Variants in XRN1 observed in about 807,000 individuals in gnomAD.
XRN1 encodes the protein 5'-3' exoribonuclease 1.
Under a neutral mutation model 222.3 loss-of-function variants are expected in XRN1, and 67 were observed. The observed-to-expected ratio is 0.30, with a 90% CI of 0.25 to 0.37. The LOEUF (loss-of-function observed/expected upper bound fraction) is 0.37. XRN1 is among the 10% of genes least tolerant of loss of function. The probability of loss-of-function intolerance (pLI) is 1.00; values close to 1 mark genes in which losing one functional copy is unlikely to be tolerated. For synonymous variants in XRN1, 643 were observed against 652.4 expected, an observed-to-expected ratio of 0.99 and a Z score of 0.22; for missense variants, 1,707 against 2,000.2, an observed-to-expected ratio of 0.85 and a Z score of 2.80.
chr3:142,313,079 A>C (rs2065119653), intron 39 of XRN1: 19 of 1,550,582 alleles, frequency 1.2e-5, no homozygotes, highest in Non-Finnish European at 1.7e-5. Context: ...GGGTCATGAA[A>C]TTGTCCCTTG....
chr3:142,414,285 A>G lies in XRN1; in HGVS notation c.1443T>C (p.Tyr481=), dbSNP rs768501767. 1 of 1,581,210 alleles carries G rather than the reference A, an allele frequency of 6.3e-7. No individual in the cohort carries two copies. Among genetic ancestry groups the G allele is most frequent in the Non-Finnish European group, 8.6e-7 (1 of 1,164,586 alleles). ...YHGVQSWSWY[Y]PYHYAPFLSD... is the part of the protein sequence containing the mutation. ...ACAGGAAAGGTGCATAATGATAAGG[A>G]TAATACCTATAAAACAAAACTGAGT... The change falls in exon 14 of 41, where the codon TAT becomes TAC. Residue 481 remains tyrosine, a synonymous_variant. Coordinates refer to ENST00000392981, the MANE Select transcript of XRN1 (RefSeq NM_001282857.2).
intron 33 of XRN1, among the ~76,000 whole-genome samples, chr3:142,340,841 C>G (rs1468259916): frequency 2.0e-5 from 3 of 152,076 alleles, no homozygotes; most frequent in Admixed American, 2.0e-4. Flanking sequence ...ATCCTTCAAA[C>G]ATGAAGGAGA....
At chr3:142,368,218 G>A (rs766449789) in intron 27 of XRN1, among the ~76,000 whole-genome samples, 4 of 151,668 alleles carry the variant, frequency 2.6e-5, no homozygotes, top group African/African-American at 4.8e-5. Flanking sequence ...GCACAGTCTC[G>A]GCTCACTGCA....
intron 12 of XRN1, chr3:142,418,217 T>C (rs1018846579): frequency 1.0e-4 from 30 of 292,320 alleles, no homozygotes; most frequent in Non-Finnish European, 1.6e-4. Flanking sequence ...AACCTTCTTA[T>C]TGGACATTTA....
At chr3:142,431,749 G>A (rs1422773052) in intron 2 of XRN1, among the ~76,000 whole-genome samples, 4 of 137,088 alleles carry the variant, frequency 2.9e-5, no homozygotes, top group South Asian at 2.3e-4. Context: ...CCTGGGAGGC[G>A]GAGGTTGTAA....
At position 142,335,527 on chromosome 3, in the gene XRN1, G is replaced by C. The variant is rs1371733293; in HGVS notation, c.3878-18C>G. 5 of 1,606,238 alleles carry C rather than the reference G, an allele frequency of 3.1e-6. No individual in the cohort carries two copies. The highest frequency in any genetic ancestry group is 3.4e-6 in the Non-Finnish European group (4 of 1,175,464). On this transcript the variant is annotated intron_variant, in intron 33 of 40. Transcript: ENST00000392981. ...TTCTTTAACTAGAGACAAGAAAACA[G>C]AAATTTTCATAAATGGAAGTGTTTA...
intron 33 of XRN1, among the ~76,000 whole-genome samples, chr3:142,342,750 A>G (rs2066032698): frequency 6.6e-6 from 1 of 152,040 alleles, no homozygotes; most frequent in African/African-American, 2.4e-5. Flanking sequence ...ATGAAACTAG[A>G]CCTCCATCTC....
At chr3:142,444,621 T>TA (rs1184450390) in intron 1 of XRN1, among the ~76,000 whole-genome samples, 1 of 149,874 alleles carries the variant, frequency 6.7e-6, no homozygotes, top group Non-Finnish European at 1.5e-5. Context: ...AAATAAAAAA[T>TA]AAAAAAAAAG....
intron 1 of XRN1, among the ~76,000 whole-genome samples, chr3:142,442,365 C>A (rs2108211114): frequency 1.3e-5 from 2 of 152,286 alleles, no homozygotes; most frequent in South Asian, 4.1e-4. Flanking sequence ...AGCCGCAAGG[C>A]AGGACCCTCC....
In XRN1 at chr3:142,307,549, A is replaced by C. The variant is rs1251666049; in HGVS notation, c.*3962T>G. 6.6e-6 allele frequency: 1 copy of C among 152,126 alleles called. No homozygotes were observed. The highest frequency in any genetic ancestry group is 1.5e-5 in the Non-Finnish European group (1 of 68,018). 9.4% of individuals were successfully genotyped at this position (152,126 alleles called of 1,614,324 possible). On this transcript the variant is annotated 3_prime_UTR_variant, in exon 41 of 41. Coordinates refer to ENST00000392981, the MANE Select transcript of XRN1 (RefSeq NM_001282857.2). ...AGATAGTTGACATTTTGGACTACTA[A>C]AACTATTTTATACATGTTTTTCTTC...
At chr3:142,341,549 G>A (rs1369644273) in intron 33 of XRN1, among the ~76,000 whole-genome samples, 2 of 151,794 alleles carry the variant, frequency 1.3e-5, no homozygotes, top group Admixed American at 6.6e-5. Context: ...AACAAATATC[G>A]AAGTGGCAGG....
chr3:142,318,846 A>G lies in XRN1; in HGVS notation c.4462T>C (p.Cys1488Arg). The G allele has an allele frequency of 6.2e-7, 1 of 1,614,036 alleles. No homozygotes were observed. ...SNGLLVHGPQ[C>R]HSENEAKEKA... ...TCTTTGGCTTCATTTTCAGAGTGGC[A>G]CTGTGGCCCATGTACCAGTAAGCCA... Residue 1488 changes from cysteine to arginine, a missense_variant, in exon 38 of 41, where the codon TGC becomes CGC. By Grantham distance (180) the Cys-to-Arg change is radical. This residue lies in a region of XRN1 where 473 missense variants were observed against 482.0 expected (regional missense o/e 0.98). Coordinates refer to ENST00000392981, the MANE Select transcript of XRN1 (RefSeq NM_001282857.2).
intron 36 of XRN1, among the ~76,000 whole-genome samples, chr3:142,332,007 C>T (rs1043673257): frequency 6.6e-6 from 1 of 152,150 alleles, no homozygotes; most frequent in African/African-American, 2.4e-5. Context: ...AACTCCTGAG[C>T]TTAAGAGATC....
intron 37 of XRN1, among the ~76,000 whole-genome samples, chr3:142,325,823 A>G (rs910160576): frequency 1.8e-4 from 27 of 152,228 alleles, no homozygotes; most frequent in Middle Eastern, 3.4e-3. Flanking sequence ...TCTTTAATCC[A>G]TTTTGATTTG....
At position 142,447,992 on chromosome 3, in the gene XRN1, G is replaced by T; in HGVS notation, c.-48C>A. 2 of 1,590,968 alleles carry T rather than the reference G, an allele frequency of 1.3e-6. No individual in the cohort carries two copies. Among genetic ancestry groups the T allele is most frequent in the Non-Finnish European group, 8.6e-7 (1 of 1,162,922 alleles). On this transcript the variant is annotated 5_prime_UTR_variant, in exon 1 of 41. Transcript: ENST00000392981. The surrounding 1 kb of genome is among the most constrained non-coding windows in gnomAD (Gnocchi z 4.2). Reference sequence around the variant, plus strand: ...AGTCAGGGCCAAACCGAAACCAAACGCCCCGCCGGGGCTCCGCCGCAGCCT... The same window carrying T: ...AGTCAGGGCCAAACCGAAACCAAACTCCCCGCCGGGGCTCCGCCGCAGCCT...
In XRN1 at chr3:142,344,080, A is replaced by G. The variant is rs528686199; in HGVS notation, c.3877+3154T>C. Among the ~76,000 whole-genome samples the G allele has an allele frequency of 3.2e-3, 335 of 104,382 alleles. 1 individual carries two copies. Among genetic ancestry groups the G allele is most frequent in the African/African-American group, 0.011 (306 of 26,744 alleles). The allele number at this position is 104,382 out of a possible 152,430, so 68.5% of individuals were successfully genotyped here. A position where few individuals can be genotyped will look rare whatever the true frequency, so the allele number is the denominator to read the frequency against. ...AATAGAGTAGAAGGATGGTTACTAG[A>G]GGCTGGGAAGAGTAGTGGGGGGGAG... On this transcript the variant is annotated intron_variant, in intron 33 of 40. Coordinates refer to ENST00000392981, the MANE Select transcript of XRN1 (RefSeq NM_001282857.2).
At chr3:142,342,941 A>G (rs2066037803) in intron 33 of XRN1, among the ~76,000 whole-genome samples, 1 of 152,158 alleles carries the variant, frequency 6.6e-6, no homozygotes, top group South Asian at 2.1e-4. Flanking sequence ...TCAAGTTAAA[A>G]AACTTCTACA....
chr3:142,318,749 C>A, intron 38 of XRN1, 41 bp downstream of exon 38: 2 of 1,610,630 alleles, frequency 1.2e-6, no homozygotes, highest in Non-Finnish European at 1.7e-6. Context: ...TCTATAGGGA[C>A]TAATAAAAAT....
intron 2 of XRN1, among the ~76,000 whole-genome samples, chr3:142,431,922 A>AT (rs2069595413): frequency 3.7e-5 from 3 of 80,480 alleles, no homozygotes; most frequent in East Asian, 3.7e-4. Context: ...AAATATATAT[A>AT]ATATAATATA....
Sources: allele counts gnomAD v4.1 joint callset (sites outside exome capture counted in the v4.1 genomes callset), GRCh38; gene constraint gnomAD v4.1.1; regional missense constraint gnomAD v4.1.1; non-coding constraint Gnocchi (gnomAD v3.1); transcripts MANE v1.5; gene names NCBI Gene and HGNC (gene_info 2026-07-23, HGNC 2026-07-21).